The following SMARCA5 variants were observed in gnomAD, a reference collection of about 807,000 sequenced individuals.
SMARCA5 encodes SWI/SNF-related matrix-associated actin-dependent regulator of chromatin subfamily A member 5.
In SMARCA5, 18 loss-of-function variants were observed where a neutral mutation model predicts 140.4. That is an observed-to-expected ratio of 0.13 (90% CI 0.09 to 0.19). The LOEUF (loss-of-function observed/expected upper bound fraction) is 0.19, where lower values mean the gene tolerates loss of function less well. Ranked by LOEUF, SMARCA5 falls within the 10% of genes least tolerant of loss-of-function variation. The probability of loss-of-function intolerance (pLI) is 1.00; values close to 1 mark genes in which losing one functional copy is unlikely to be tolerated. For synonymous variants in SMARCA5, 449 were observed against 419.6 expected (o/e 1.07, Z -0.86); for missense variants, 606 against 1,276.8 (o/e 0.47, Z 8.01).
At chr4:143,534,526 G>C (rs1737265569) in intron 9 of SMARCA5, among the ~76,000 whole-genome samples, 1 of 152,064 alleles carries the variant, frequency 6.6e-6, no homozygotes, top group African/African-American at 2.4e-5. Flanking sequence ...TATTAACATA[G>C]CATTTACATT....
In SMARCA5 at chr4:143,555,646, G is replaced by A. The variant is rs1737731770; in HGVS notation, c.*2462G>A. On this transcript the variant is annotated 3_prime_UTR_variant, in exon 24 of 24. Coordinates refer to ENST00000283131, the MANE Select transcript of SMARCA5 (RefSeq NM_003601.4). The stretch of plus-strand genomic sequence containing the variant: ...ACAAAGTGCTGGAGGCTATTATAAA[G>A]TGTAATTATTACTACTTTTAAGAGA... The A allele has an allele frequency of 1.2e-5, 3 of 253,484 alleles. No individual in the cohort carries two copies. The South Asian group carries it at 1.4e-4, about 11-fold the overall frequency. 15.7% of individuals were successfully genotyped at this position (253,484 alleles called of 1,614,324 possible). A position where few individuals can be genotyped will look rare whatever the true frequency, so the allele number is the denominator to read the frequency against.
Position 143,540,386 on chromosome 4 carries a change from G to A in SMARCA5, c.1794G>A (p.Gln598=). ...QAMDRAHRIG[Q]TKTVRVFRFI... Reference sequence around the variant, plus strand: ...AGGACCGAGCACATAGAATTGGGCAGACTAAGACAGTCAGAGTGTTCCGCT... The same window carrying A: ...AGGACCGAGCACATAGAATTGGGCAAACTAAGACAGTCAGAGTGTTCCGCT... Residue 598 remains glutamine, a synonymous_variant, in exon 14 of 24, where the codon CAG becomes CAA. Transcript: ENST00000283131. The A allele has an allele frequency of 6.2e-7, 1 of 1,612,188 alleles. No homozygotes were observed. Among genetic ancestry groups the A allele is most frequent in the Non-Finnish European group, 8.5e-7 (1 of 1,179,106 alleles).
intron 8 of SMARCA5, among the ~76,000 whole-genome samples, chr4:143,529,149 G>A (rs975603364): frequency 6.6e-6 from 1 of 152,054 alleles, no homozygotes; most frequent in African/African-American, 2.4e-5. Context: ...TGTCCAGGCT[G>A]GTCTCAAGCT....
intron 1 of SMARCA5, among the ~76,000 whole-genome samples, chr4:143,515,926 TA>T (rs1472540531): frequency 6.6e-6 from 1 of 152,198 alleles, no homozygotes; most frequent in Non-Finnish European, 1.5e-5. Context: ...TTAGGAATTT[TA>T]TTTTTTTATC....
intron 23 of SMARCA5, 145 bp downstream of exon 23, chr4:143,550,249 T>TG (rs1560822980): frequency 2.8e-6 from 1 of 352,626 alleles, no homozygotes; most frequent in Non-Finnish European, 5.1e-6. Context: ...TTTTTTTCCT[T>TG]AAGGGAGAAC....
At chr4:143,524,149 T>G (rs1176039870) in intron 3 of SMARCA5, among the ~76,000 whole-genome samples, 1 of 152,196 alleles carries the variant, frequency 6.6e-6, no homozygotes, top group Admixed American at 6.5e-5. Context: ...GGTTAATGTA[T>G]CGTACTGGTG....
At chr4:143,528,253 C>G (rs1003003470) in intron 7 of SMARCA5, among the ~76,000 whole-genome samples, 1 of 152,108 alleles carries the variant, frequency 6.6e-6, no homozygotes, top group Non-Finnish European at 1.5e-5. Flanking sequence ...CCCCACTCCC[C>G]GACAGGTCCT....
chr4:143,554,700 T>C lies in SMARCA5; in HGVS notation c.*1516T>C, dbSNP rs1338268555. 6.3e-6 allele frequency: 1 copy of C among 158,938 alleles called. No individual in the cohort carries two copies. Among genetic ancestry groups the C allele is most frequent in the Non-Finnish European group, 1.4e-5 (1 of 72,762 alleles). 9.8% of individuals were successfully genotyped at this position (158,938 alleles called of 1,614,324 possible). A position where few individuals can be genotyped will look rare whatever the true frequency, so the allele number is the denominator to read the frequency against. ...GTTAGATTCTTAACAGTTAAAGGTC[T>C]AATACATGCATGAGGAATGGTTACT... On this transcript the variant is annotated 3_prime_UTR_variant, in exon 24 of 24. Transcript: ENST00000283131.
At chr4:143,541,798 C>T (rs1362811558) in intron 14 of SMARCA5, among the ~76,000 whole-genome samples, 2 of 152,092 alleles carry the variant, frequency 1.3e-5, no homozygotes, top group Non-Finnish European at 2.9e-5. Flanking sequence ...TTCACACATC[C>T]ATGTGTTTTG....
At chr4:143,535,044 T>C in intron 10 of SMARCA5, 80 bp downstream of exon 10, 1 of 986,880 alleles carries the variant, frequency 1.0e-6, no homozygotes. Context: ...CTAATTTGTG[T>C]CTTCATGGAA....
intron 1 of SMARCA5, 39 bp downstream of exon 1, chr4:143,514,140 G>A (rs755623379): frequency 4.7e-6 from 7 of 1,480,836 alleles, no homozygotes; most frequent in East Asian, 2.5e-5. Flanking sequence ...GGTGCAGCGG[G>A]GAGGAGGAGC....
intron 11 of SMARCA5, among the ~76,000 whole-genome samples, chr4:143,537,425 CTA>C: frequency 1.3e-5 from 2 of 152,272 alleles, no homozygotes; most frequent in African/African-American, 4.8e-5. Flanking sequence ...TGAATCTCCT[CTA>C]TGATACTATC....
At position 143,546,039 on chromosome 4, in the gene SMARCA5, C is replaced by T. The variant is rs1316219107; in HGVS notation, c.2512C>T (p.Leu838=). 3.7e-6 allele frequency: 6 copies of T among 1,601,468 alleles called. No homozygotes were observed. The highest frequency in any genetic ancestry group is 5.1e-6 in the Non-Finnish European group (6 of 1,175,778). Residue 838 remains leucine (L), a synonymous_variant, in exon 19 of 24, where the codon CTA becomes TTA. Coordinates refer to ENST00000283131, the MANE Select transcript of SMARCA5 (RefSeq NM_003601.4). ...AGAGTTAGAGGAAAAAGAGAAGCTTCTAACACAGGTATAGCCTTTAATCAG... is the reference window on the plus strand; with the variant it reads ...AGAGTTAGAGGAAAAAGAGAAGCTTTTAACACAGGTATAGCCTTTAATCAG... ...DEELEEKEKL[L]TQGFTNWNKR... is the part of the protein sequence containing the mutation.
intron 15 of SMARCA5, 36 bp from the exon 16 acceptor site, chr4:143,543,817 C>G: frequency 1.3e-6 from 2 of 1,575,658 alleles, no homozygotes; most frequent in Non-Finnish European, 1.7e-6. Flanking sequence ...GCTTTCTTTG[C>G]TGTGAATCTA....
chr4:143,517,612 A>G (rs959861207), intron 2 of SMARCA5, among the ~76,000 whole-genome samples, 183 bp downstream of exon 2: 1 of 152,194 alleles, frequency 6.6e-6, no homozygotes, highest in Non-Finnish European at 1.5e-5. Flanking sequence ...CAAGGCCAGC[A>G]TTTGTTGAGG....
chr4:143,528,559 G>A (rs1202778341), intron 7 of SMARCA5, 24 bp from the exon 8 acceptor site: 2 of 1,602,908 alleles, frequency 1.2e-6, no homozygotes, highest in Admixed American at 3.4e-5. Context: ...TATTCTAATG[G>A]TGTATTTGGT....
At chr4:143,530,335 T>G in intron 8 of SMARCA5, 123 bp from the exon 9 acceptor site, 1 of 569,126 alleles carries the variant, frequency 1.8e-6, no homozygotes, top group Non-Finnish European at 2.9e-6. Flanking sequence ...TTGGACTAAG[T>G]GATTTTTTTT....
intron 3 of SMARCA5, among the ~76,000 whole-genome samples, chr4:143,522,903 G>C (rs1736993109): frequency 6.6e-6 from 1 of 151,974 alleles, no homozygotes; most frequent in Non-Finnish European, 1.5e-5. Context: ...AGTGTTATTA[G>C]GGAAAAAAGT....
intron 14 of SMARCA5, among the ~76,000 whole-genome samples, chr4:143,541,192 C>T (rs1440368876): frequency 6.6e-6 from 1 of 151,890 alleles, no homozygotes; most frequent in Non-Finnish European, 1.5e-5. Flanking sequence ...TTCATGAAGC[C>T]TACTATAAAG....
Sources: allele counts gnomAD v4.1 joint callset (sites outside exome capture counted in the v4.1 genomes callset), GRCh38; gene constraint gnomAD v4.1.1; transcripts MANE v1.5; gene names NCBI Gene and HGNC (gene_info 2026-07-23, HGNC 2026-07-21).